SLIT1: variants seen among roughly 807,000 people sequenced by gnomAD.
The protein encoded by SLIT1 is slit guidance ligand 1.
SLIT1 carries 66 observed loss-of-function variants against 186.1 expected under a neutral mutation model. The observed-to-expected ratio is 0.35, with a 90% CI of 0.29 to 0.44. The LOEUF (loss-of-function observed/expected upper bound fraction) is 0.44. SLIT1 is among the 20% of genes least tolerant of loss of function. The probability of loss-of-function intolerance (pLI) is 1.00; values close to 1 mark genes in which losing one functional copy is unlikely to be tolerated. For missense variants in SLIT1, 1,638 were observed against 2,037.4 expected, an observed-to-expected ratio of 0.80 and a Z score of 3.77; for synonymous variants, 761 against 833.8, an observed-to-expected ratio of 0.91 and a Z score of 1.50.
At chr10:97,065,079 G>A (rs912629634) in intron 5 of SLIT1, among the ~76,000 whole-genome samples, 1 of 152,016 alleles carries the variant, frequency 6.6e-6, no homozygotes, top group Admixed American at 6.5e-5. Context: ...ATAAATATAA[G>A]TAAAAGTTAT....
intron 4 of SLIT1, among the ~76,000 whole-genome samples, chr10:97,089,287 C>A (rs771565169): frequency 2.6e-5 from 4 of 152,234 alleles, no homozygotes; most frequent in Non-Finnish European, 4.4e-5. Context: ...GGCCAAGCCC[C>A]CCACGACTGG....
chr10:97,161,938 T>C (rs1850033130), intron 3 of SLIT1, among the ~76,000 whole-genome samples: 1 of 152,174 alleles, frequency 6.6e-6, no homozygotes, highest in South Asian at 2.1e-4. Context: ...CTTAGAGCAG[T>C]GTTGTTTTAA....
At chr10:97,114,537 G>A (rs1319795291) in intron 4 of SLIT1, among the ~76,000 whole-genome samples, 1 of 152,094 alleles carries the variant, frequency 6.6e-6, no homozygotes, top group Non-Finnish European at 1.5e-5. Context: ...TGTAGTCCCA[G>A]AGTCCCAGCT....
intron 28 of SLIT1, among the ~76,000 whole-genome samples, chr10:97,017,310 A>G (rs539149386): frequency 2.8e-4 from 43 of 152,342 alleles, no homozygotes; most frequent in African/African-American, 1.0e-3. Flanking sequence ...TCATTTTTAC[A>G]TCTGGTAATT....
chr10:97,113,062 G>A (rs1395739120), intron 4 of SLIT1, among the ~76,000 whole-genome samples: 6 of 152,098 alleles, frequency 3.9e-5, no homozygotes, highest in Non-Finnish European at 7.4e-5. Context: ...AGACCTGAAA[G>A]GTATCTTGGA....
rs1030386889 is a variant in SLIT1, at chr10:97,004,451, C to T, written c.3711-229G>A. ...GCAGGGGTCTCAAACTTACAAGTCTCCCCCTCCCCATTAAGGAGCCTCCTC... is the reference window on the plus strand; with the variant it reads ...GCAGGGGTCTCAAACTTACAAGTCTTCCCCTCCCCATTAAGGAGCCTCCTC... On this transcript the variant is annotated intron_variant, in intron 33 of 36. Transcript: ENST00000266058. This position sits in a 1 kb window ranked among gnomAD's most constrained non-coding sequence, Gnocchi z 5.1. 1.3e-5 allele frequency among the ~76,000 whole-genome samples: 2 copies of T among 152,128 alleles called. No individual in the cohort carries two copies. Among genetic ancestry groups the T allele is most frequent in the Admixed American group, 6.5e-5 (1 of 15,284 alleles).
chr10:97,179,809 C>CCG (rs1554855930), intron 1 of SLIT1, among the ~76,000 whole-genome samples: 2 of 151,030 alleles, frequency 1.3e-5, no homozygotes, highest in Non-Finnish European at 3.0e-5. Flanking sequence ...CTCCCCGCCC[C>CCG]CCGGCACAGC....
chr10:97,056,556 G>GT, intron 12 of SLIT1, 92 bp from the exon 13 acceptor site: 1 of 1,352,358 alleles, frequency 7.4e-7, no homozygotes, highest in East Asian at 2.3e-5. Flanking sequence ...CCCGGCCTGC[G>GT]TTATTACAGG....
intron 1 of SLIT1, among the ~76,000 whole-genome samples, chr10:97,169,677 C>T (rs1850162260): frequency 6.6e-6 from 1 of 152,200 alleles, no homozygotes; most frequent in Non-Finnish European, 1.5e-5. Flanking sequence ...CCAGAGCCCA[C>T]CTGGGCTCCC....
At chr10:97,105,198 C>T (rs531324085) in intron 4 of SLIT1, among the ~76,000 whole-genome samples, 7 of 152,208 alleles carry the variant, frequency 4.6e-5, no homozygotes, top group Non-Finnish European at 7.3e-5. Context: ...ATAAAAAAGT[C>T]AGCAGGAAAA....
chr10:97,106,516 C>T (rs1409450576), intron 4 of SLIT1, among the ~76,000 whole-genome samples: 2 of 152,176 alleles, frequency 1.3e-5, no homozygotes, highest in African/African-American at 2.4e-5. Context: ...GGAAGCTAAT[C>T]GGTACTTAGT....
Position 97,064,820 on chromosome 10 carries a change from C to T in SLIT1, c.542G>A (p.Arg181Gln), listed in dbSNP as rs1040716616. 52 of 1,611,514 alleles carry T rather than the reference C, an allele frequency of 3.2e-5. No homozygotes were observed. Among genetic ancestry groups the T allele is most frequent in the Non-Finnish European group, 3.7e-5 (44 of 1,178,844 alleles). Residue 181 changes from arginine (R) to glutamine (Q), a missense_variant, in exon 6 of 37, where the codon CGG becomes CAG. This residue lies in a region of SLIT1 where 1,245 missense variants were observed against 1,535.3 expected (regional missense o/e 0.81). Transcript: ENST00000266058. ...CIEEGAFRAL[R>Q]GLEVLTLNNN... The stretch of plus-strand genomic sequence containing the variant: ...CTTTACTTACAGCACCTCCAGCCCC[C>T]GCAGAGCACGGAAGGCCCCTTCCTC...
intron 4 of SLIT1, among the ~76,000 whole-genome samples, chr10:97,105,882 C>T (rs943430898): frequency 3.3e-5 from 5 of 152,308 alleles, no homozygotes; most frequent in Non-Finnish European, 5.9e-5. Flanking sequence ...GAATCTGGTC[C>T]GGAGGCCTCC....
intron 13 of SLIT1, among the ~76,000 whole-genome samples, chr10:97,049,926 G>C (rs1848772814): frequency 6.6e-6 from 1 of 152,188 alleles, no homozygotes; most frequent in Admixed American, 6.5e-5. Context: ...CATGCCCACG[G>C]GTGGGCTCTG....
chr10:97,108,977 G>A (rs1244172817), intron 4 of SLIT1, among the ~76,000 whole-genome samples: 1 of 144,596 alleles, frequency 6.9e-6, no homozygotes, highest in Non-Finnish European at 1.5e-5. Context: ...GGAGTGCAGC[G>A]ACAAAGGACA....
intron 4 of SLIT1, among the ~76,000 whole-genome samples, chr10:97,080,588 T>A (rs1849093900): frequency 6.6e-6 from 1 of 152,328 alleles, no homozygotes; most frequent in Admixed American, 6.5e-5. Context: ...GTAGGAAGAC[T>A]CCAAGCTCCA....
chr10:97,048,824 TAGGC>T (rs1449553321), intron 14 of SLIT1, 127 bp downstream of exon 14: 8 of 835,734 alleles, frequency 9.6e-6, no homozygotes, highest in South Asian at 1.6e-5. Context: ...GGTGGACAGG[TAGGC>T]AGGCAGGCAA....
intron 18 of SLIT1, among the ~76,000 whole-genome samples, chr10:97,046,145 G>T (rs1254247816): frequency 6.6e-6 from 1 of 152,172 alleles, no homozygotes. Flanking sequence ...GATGGAGGGG[G>T]TGTCCTGCAT....
In SLIT1 at chr10:97,068,213, T is replaced by A. The variant is rs1021400694; in HGVS notation, c.414-2127A>T. ...GGAGGGAGCTCAGTCCCCAGCTACC[T>A]CCCCTTCTCTGGGCTGGGGACTTGC... On this transcript the variant is annotated intron_variant, in intron 4 of 36. Transcript: ENST00000266058. The surrounding 1 kb of genome is among the most constrained non-coding windows in gnomAD (Gnocchi z 4.2). Among the ~76,000 whole-genome samples, 1 of 151,914 alleles carries A rather than the reference T, an allele frequency of 6.6e-6. No individual in the cohort carries two copies. Among genetic ancestry groups the A allele is most frequent in the African/African-American group, 2.4e-5 (1 of 41,330 alleles).
Sources: allele counts gnomAD v4.1 joint callset (sites outside exome capture counted in the v4.1 genomes callset), GRCh38; gene constraint gnomAD v4.1.1; regional missense constraint gnomAD v4.1.1; non-coding constraint Gnocchi (gnomAD v3.1); transcripts MANE v1.5; gene names NCBI Gene and HGNC (gene_info 2026-07-23, HGNC 2026-07-21).